PRKAA2: variants seen among roughly 807,000 people sequenced by gnomAD.
PRKAA2 encodes the protein 5'-AMP-activated protein kinase catalytic subunit alpha-2.
In PRKAA2, 40 loss-of-function variants were observed where a neutral mutation model predicts 56.3. The observed-to-expected ratio is 0.71, with a 90% confidence interval of 0.55 to 0.92. PRKAA2 has a LOEUF of 0.92. Ranked by LOEUF, PRKAA2 falls within the 40% of genes least tolerant of loss-of-function variation. PRKAA2 has a pLI of 0.00. For synonymous variants in PRKAA2, 214 were observed against 234.2 expected (o/e 0.91, Z 0.79); for missense variants, 542 against 686.9 (o/e 0.79, Z 2.36).
chr1:56,700,348 G>A (rs945045753), intron 6 of PRKAA2, among the ~76,000 whole-genome samples: 16 of 152,134 alleles, frequency 1.1e-4, no homozygotes, highest in African/African-American at 3.9e-4. Context: ...GCTCCAACAG[G>A]CAGTTGTAAC....
rs1462523645 is a variant in PRKAA2 at position 56,712,866 on chromosome 1, A to G, written c.*5153A>G. ...GACTGTCTCAAAAAAAAACAAAAAA[A>G]GGAAAAAGAAAACTAGCCCCAGTCC... On this transcript the variant is annotated 3_prime_UTR_variant, in exon 9 of 9. Coordinates refer to ENST00000371244, the MANE Select transcript of PRKAA2 (RefSeq NM_006252.4). 1.3e-5 allele frequency: 2 copies of G among 152,088 alleles called. No homozygotes were observed. The highest frequency in any genetic ancestry group is 2.9e-5 in the Non-Finnish European group (2 of 68,016). 9.4% of individuals were successfully genotyped at this position (152,088 alleles called of 1,614,324 possible).
At chr1:56,649,033 G>A (rs1646666568) in intron 1 of PRKAA2, among the ~76,000 whole-genome samples, 1 of 152,080 alleles carries the variant, frequency 6.6e-6, no homozygotes, top group Admixed American at 6.5e-5. Context: ...GTCTTTTGAA[G>A]TATAAAAGTT....
At chr1:56,700,887 G>T (rs1644289160) in intron 6 of PRKAA2, among the ~76,000 whole-genome samples, 1 of 152,114 alleles carries the variant, frequency 6.6e-6, no homozygotes, top group Non-Finnish European at 1.5e-5. Context: ...TGAGGCTGTT[G>T]GTTTTCAAGG....
At chr1:56,693,657 A>C in intron 4 of PRKAA2, 108 bp from the exon 5 acceptor site, 1 of 626,086 alleles carries the variant, frequency 1.6e-6, no homozygotes, top group Non-Finnish European at 2.6e-6. Context: ...TAACTTAAAA[A>C]AAAATGATAT....
At position 56,704,411 on chromosome 1, in the gene PRKAA2, G is replaced by A. The variant is rs1331031283; in HGVS notation, c.1229G>A (p.Ser410Asn). 1 of 1,613,818 alleles carries A rather than the reference G, an allele frequency of 6.2e-7. No homozygotes were observed. The highest frequency in any genetic ancestry group is 2.2e-5 in the East Asian group (1 of 44,886). The change falls in exon 7 of 9, where the codon AGC becomes AAC. Residue 410 changes from serine to asparagine, a missense_variant. By Grantham distance (46) the Ser-to-Asn change is conservative (BLOSUM62 1). This residue lies in a region of PRKAA2 where 6 missense variants were observed against 22.9 expected (regional missense o/e 0.26). Transcript: ENST00000371244. Reference sequence around the variant, plus strand: ...TGGCATCTTGGAATCCGAAGTCAGAGCAAACCGTATGACATTATGGCTGAA... The same window carrying A: ...TGGCATCTTGGAATCCGAAGTCAGAACAAACCGTATGACATTATGGCTGAA... ...AKWHLGIRSQSKPYDIMAEVY... is the reference protein window; with the variant it reads ...AKWHLGIRSQNKPYDIMAEVY...
intron 1 of PRKAA2, among the ~76,000 whole-genome samples, chr1:56,659,781 G>A (rs1442956384): frequency 6.6e-6 from 1 of 152,010 alleles, no homozygotes; most frequent in Non-Finnish European, 1.5e-5. Flanking sequence ...GGTGGCACGT[G>A]CCTATAGTCC....
At chr1:56,661,206 T>G (rs1040337564) in intron 1 of PRKAA2, among the ~76,000 whole-genome samples, 1 of 152,172 alleles carries the variant, frequency 6.6e-6, no homozygotes, top group Non-Finnish European at 1.5e-5. Context: ...CTTAACGTTT[T>G]TATTGTACTC....
intron 1 of PRKAA2, among the ~76,000 whole-genome samples, chr1:56,668,545 A>G (rs1221995575): frequency 6.6e-6 from 1 of 152,118 alleles, no homozygotes; most frequent in African/African-American, 2.4e-5. Context: ...CAGTATTTCC[A>G]TAGCCTTTAC....
At chr1:56,660,572 A>AT (rs1316760849) in intron 1 of PRKAA2, among the ~76,000 whole-genome samples, 1 of 152,068 alleles carries the variant, frequency 6.6e-6, no homozygotes, top group Admixed American at 6.5e-5. Context: ...CTGTGACCTC[A>AT]TTTCTCAAAT....
At chr1:56,701,837 T>A (rs1002540962) in intron 6 of PRKAA2, among the ~76,000 whole-genome samples, 4 of 151,484 alleles carry the variant, frequency 2.6e-5, no homozygotes, top group African/African-American at 9.7e-5. Context: ...GAGCTTGCAG[T>A]GAGTGGAGAT....
chr1:56,676,369 A>C (rs979312767), intron 2 of PRKAA2, among the ~76,000 whole-genome samples: 2 of 152,196 alleles, frequency 1.3e-5, no homozygotes, highest in African/African-American at 4.8e-5. Context: ...CAGAATGATA[A>C]AATGGGAGAA....
intron 1 of PRKAA2, 93 bp from the exon 2 acceptor site, chr1:56,674,288 G>A (rs1047070293): frequency 1.3e-5 from 14 of 1,083,648 alleles, no homozygotes; most frequent in Non-Finnish European, 1.8e-5. Flanking sequence ...TGGTATATAT[G>A]AGTAGAGAAG....
chr1:56,658,430 G>GGC (rs772984714), intron 1 of PRKAA2, among the ~76,000 whole-genome samples: 7 of 151,998 alleles, frequency 4.6e-5, no homozygotes, highest in Non-Finnish European at 7.4e-5. Context: ...ATTAAGAGAG[G>GGC]GCATGGTTTA....
rs1644255922 is a variant in PRKAA2 at position 56,695,921 on chromosome 1, A to G, written c.564-14A>G. 1 of 1,606,424 alleles carries G rather than the reference A, an allele frequency of 6.2e-7. No homozygotes were observed. Among genetic ancestry groups the G allele is most frequent in the African/African-American group, 1.3e-5 (1 of 74,294 alleles). On this transcript the variant is annotated splice_polypyrimidine_tract_variant and intron_variant, in intron 5 of 8. Transcript: ENST00000371244. ...TCTTGCATTTCAGGTTTGTGTTGTC[A>G]TCTTTTTTCTTAGATTGTATGCAGG...
chr1:56,672,562 C>T (rs72666498), intron 1 of PRKAA2, among the ~76,000 whole-genome samples: 3,685 of 152,174 alleles, frequency 0.024, 91 homozygotes, highest in East Asian at 0.11. Context: ...TAAGGGTCTA[C>T]CTTGGGCCTA....
chr1:56,675,799 A>G (rs1485107453), intron 2 of PRKAA2, among the ~76,000 whole-genome samples: 1 of 152,194 alleles, frequency 6.6e-6, no homozygotes, highest in Non-Finnish European at 1.5e-5. Flanking sequence ...AGCAGTATCA[A>G]TAGTATAATG....
chr1:56,699,945 G>C (rs1244843190), intron 6 of PRKAA2, among the ~76,000 whole-genome samples: 1 of 151,946 alleles, frequency 6.6e-6, no homozygotes, highest in Non-Finnish European at 1.5e-5. Context: ...TTTTTTGCTT[G>C]AAAAATATTC....
chr1:56,658,909 C>T (rs1316130336), intron 1 of PRKAA2, among the ~76,000 whole-genome samples: 3 of 151,796 alleles, frequency 2.0e-5, no homozygotes, highest in Admixed American at 6.6e-5. Context: ...CAACTCCTGC[C>T]TTCTCTTCCT....
chr1:56,677,633 C>T (rs777503916), intron 2 of PRKAA2, among the ~76,000 whole-genome samples: 8 of 149,408 alleles, frequency 5.4e-5, no homozygotes, highest in South Asian at 2.1e-4. Context: ...TCATAATTGT[C>T]ATGAGGATTC....
Sources: gnomAD v4.1 joint callset for allele counts (sites outside exome capture counted in the v4.1 genomes callset) on GRCh38, gnomAD v4.1.1 for gene constraint, gnomAD v4.1.1 regional missense constraint, MANE v1.5 for transcripts, NCBI Gene and HGNC (gene_info 2026-07-23, HGNC 2026-07-21) for gene names.